INSC: variants seen among roughly 807,000 people sequenced by gnomAD.
INSC encodes protein inscuteable homolog.
In INSC, 67 loss-of-function variants were observed where a neutral mutation model predicts 58.6. The ratio of observed to expected loss-of-function variants is 1.14; its 90% CI spans 0.94 to 1.40. INSC has a LOEUF of 1.40. INSC is among the 40% of genes most tolerant of loss of function. The pLI is 0.00. For synonymous variants in INSC, 262 were observed against 276.1 expected, an observed-to-expected ratio of 0.95 and a Z score of 0.51; for missense variants, 714 against 692.0, an observed-to-expected ratio of 1.03 and a Z score of -0.36.
At chr11:15,230,378 A>T (rs1413968225) in intron 9 of INSC, among the ~76,000 whole-genome samples, 2 of 152,020 alleles carry the variant, frequency 1.3e-5, no homozygotes, top group African/African-American at 2.4e-5. Context: ...GCATGGCAGA[A>T]GCAGGAGCAA....
In INSC at chr11:15,215,031, A is replaced by T. The variant is rs373854850; in HGVS notation, c.820-6446A>T. Among the ~76,000 whole-genome samples the T allele has an allele frequency of 6.6e-5, 10 of 152,330 alleles. No homozygotes were observed. In the East Asian group the frequency reaches 1.9e-3, roughly 29 times the overall value. ...CATTATAGCAGCATAAAATAGACTA[A>T]GACAATTTCCATGCTGTTCCTCCCA... On this transcript the variant is annotated intron_variant, in intron 7 of 12. Transcript: ENST00000379556.
intron 1 of INSC, among the ~76,000 whole-genome samples, chr11:15,127,008 G>A (rs953881407): frequency 6.6e-6 from 1 of 152,214 alleles, no homozygotes; most frequent in Admixed American, 6.5e-5. Context: ...TGGTGGTCCT[G>A]ATCATGGCTG....
upstream of INSC, among the ~76,000 whole-genome samples, chr11:15,113,147 G>GTC (rs911761633): frequency 1.7e-4 from 19 of 113,832 alleles, 1 homozygote; most frequent in South Asian, 9.9e-4. Context: ...CTTTCTTTCT[G>GTC]TCTCTCTCTC....
chr11:15,146,292 G>C (rs1250983148), intron 1 of INSC, among the ~76,000 whole-genome samples: 1 of 152,152 alleles, frequency 6.6e-6, no homozygotes, highest in East Asian at 1.9e-4. Flanking sequence ...CCAGACTCTT[G>C]ACCATGCAGG....
intron 7 of INSC, among the ~76,000 whole-genome samples, chr11:15,210,879 T>C (rs1394015309): frequency 6.6e-6 from 1 of 151,818 alleles, no homozygotes; most frequent in South Asian, 2.1e-4. Flanking sequence ...AGGGTAGAAT[T>C]TGGTAGGCAG....
At chr11:15,251,046 C>T (rs1283346563), downstream of INSC, among the ~76,000 whole-genome samples, 1 of 152,192 alleles carries the variant, frequency 6.6e-6, no homozygotes, top group Non-Finnish European at 1.5e-5. Context: ...TAGTGCTTAA[C>T]CTGTCTCATT....
intron 6 of INSC, among the ~76,000 whole-genome samples, chr11:15,192,303 C>A (rs1850208418): frequency 6.6e-6 from 1 of 152,134 alleles, no homozygotes; most frequent in East Asian, 1.9e-4. Flanking sequence ...CATATCATGG[C>A]CTTTGCACCT....
intron 1 of INSC, among the ~76,000 whole-genome samples, chr11:15,129,709 T>C (rs1813524240): frequency 6.6e-6 from 1 of 152,264 alleles, no homozygotes; most frequent in Admixed American, 6.5e-5. Flanking sequence ...ACTTGACTTT[T>C]GAATATTCAT....
At chr11:15,206,981 T>C (rs1268397467) in intron 7 of INSC, among the ~76,000 whole-genome samples, 2 of 152,174 alleles carry the variant, frequency 1.3e-5, no homozygotes, top group African/African-American at 4.8e-5. Flanking sequence ...GCAATGACCA[T>C]GGCAGGGTGC....
the INSC span, among the ~76,000 whole-genome samples, chr11:15,257,417 A>G: frequency 6.6e-6 from 1 of 152,222 alleles, no homozygotes; most frequent in Non-Finnish European, 1.5e-5. Context: ...GTACAATGTC[A>G]TTTATACAAA....
chr11:15,210,906 C>A (rs1851000716), intron 7 of INSC, among the ~76,000 whole-genome samples: 1 of 152,084 alleles, frequency 6.6e-6, no homozygotes, highest in Non-Finnish European at 1.5e-5. Context: ...CTTCTGGGAA[C>A]AGTCTGGCAC....
intron 1 of INSC, among the ~76,000 whole-genome samples, chr11:15,141,180 G>A (rs1848362391): frequency 6.6e-6 from 1 of 152,104 alleles, no homozygotes; most frequent in African/African-American, 2.4e-5. Flanking sequence ...CCTCCAAGAA[G>A]GCTGCCTGGA....
chr11:15,261,401 T>C, the INSC span, among the ~76,000 whole-genome samples: 2 of 152,202 alleles, frequency 1.3e-5, no homozygotes, highest in Non-Finnish European at 2.9e-5. Context: ...CTTTCTGTAA[T>C]TGCTTAAATT....
chr11:15,191,549 T>C (rs143825916), intron 6 of INSC, among the ~76,000 whole-genome samples: 1,829 of 152,340 alleles, frequency 0.012, 20 homozygotes, highest in Middle Eastern at 0.017. Context: ...CCTGACATCA[T>C]GTTTGTAAGA....
chr11:15,231,754 G>A (rs1370989187), intron 9 of INSC, among the ~76,000 whole-genome samples: 1 of 152,200 alleles, frequency 6.6e-6, no homozygotes, highest in Non-Finnish European at 1.5e-5. Flanking sequence ...TTTGTTGAAA[G>A]TTCTTTAGAT....
the INSC span, among the ~76,000 whole-genome samples, chr11:15,259,534 T>C: frequency 6.6e-6 from 1 of 152,336 alleles, no homozygotes; most frequent in Admixed American, 6.5e-5. Context: ...ATTGGATTTT[T>C]AAGCAACTTT....
intron 1 of INSC, among the ~76,000 whole-genome samples, chr11:15,140,967 A>G (rs1848356647): frequency 6.6e-6 from 1 of 152,162 alleles, no homozygotes. Context: ...AAATGGAGAT[A>G]ACAATAGTGA....
chr11:15,171,690 T>G (rs754639004), intron 2 of INSC, among the ~76,000 whole-genome samples: 3 of 152,250 alleles, frequency 2.0e-5, no homozygotes, highest in Non-Finnish European at 4.4e-5. Flanking sequence ...TTTAGTTATC[T>G]GTGCACTTGT....
chr11:15,112,280 G>C (rs1299948309), upstream of INSC: 1 of 481,468 alleles, frequency 2.1e-6, no homozygotes, highest in Non-Finnish European at 3.7e-6. Context: ...AGGGGAGGGG[G>C]TCGAGGGGGA....
Sources: gnomAD v4.1 joint callset for allele counts (sites outside exome capture counted in the v4.1 genomes callset) on GRCh38, gnomAD v4.1.1 for gene constraint, MANE v1.5 for transcripts, NCBI Gene and HGNC (gene_info 2026-07-23, HGNC 2026-07-21) for gene names.